The following HCN1 variants were observed in gnomAD, a reference collection of about 807,000 sequenced individuals.
HCN1 encodes hyperpolarization activated cyclic nucleotide gated potassium channel 1.
HCN1 carries 13 observed loss-of-function variants against 78.9 expected under a neutral mutation model. The ratio of observed to expected loss-of-function variants is 0.16; its 90% CI spans 0.11 to 0.26. The LOEUF is 0.26. Ranked by LOEUF, HCN1 falls within the 10% of genes least tolerant of loss-of-function variation. HCN1 has a pLI of 1.00. For missense variants in HCN1, 810 were observed against 1,154.3 expected (o/e 0.70, Z 4.32); for synonymous variants, 552 against 455.5 (o/e 1.21, Z -2.70).
chr5:45,289,795 T>C (rs140530833), intron 6 of HCN1, among the ~76,000 whole-genome samples: 1 of 152,186 alleles, frequency 6.6e-6, no homozygotes, highest in Non-Finnish European at 1.5e-5. Flanking sequence ...ACAACAGAAA[T>C]GTATTCTTAC....
chr5:45,401,259 T>C (rs1019288182), intron 3 of HCN1, among the ~76,000 whole-genome samples: 6 of 152,166 alleles, frequency 3.9e-5, no homozygotes, highest in African/African-American at 1.4e-4. Context: ...CCCATTGTTA[T>C]TTTTATTAGC....
At chr5:45,522,965 G>T (rs759031992) in intron 2 of HCN1, among the ~76,000 whole-genome samples, 4 of 151,586 alleles carry the variant, frequency 2.6e-5, no homozygotes, top group Non-Finnish European at 5.9e-5. Flanking sequence ...CCATCAACTC[G>T]TCATTTAGCA....
At chr5:45,276,505 A>G (rs1335755086) in intron 6 of HCN1, among the ~76,000 whole-genome samples, 2 of 152,118 alleles carry the variant, frequency 1.3e-5, no homozygotes, top group African/African-American at 4.8e-5. Context: ...ATAATTTAAA[A>G]AGAGTTCCTC....
intron 5 of HCN1, among the ~76,000 whole-genome samples, chr5:45,351,096 G>C (rs1464525291): frequency 6.6e-6 from 1 of 152,066 alleles, no homozygotes; most frequent in African/African-American, 2.4e-5. Flanking sequence ...GAACAAAGCT[G>C]GAGGCATCAC....
chr5:45,629,284 A>T lies in HCN1; in HGVS notation c.849+15901T>A, dbSNP rs1156280333. On this transcript the variant is annotated intron_variant, in intron 2 of 7. Transcript: ENST00000303230. ...TTTCTCAAGAACTGTGAGACCAAGC[A>T]GTCATAAAATCAGTAAGGATATGGA... Among the ~76,000 whole-genome samples, 3 of 152,160 alleles carry T rather than the reference A, an allele frequency of 2.0e-5. No homozygotes were observed. In the South Asian group the frequency reaches 6.2e-4, roughly 31 times the overall value.
At chr5:45,382,550 T>G (rs1579858932) in intron 4 of HCN1, among the ~76,000 whole-genome samples, 1 of 152,188 alleles carries the variant, frequency 6.6e-6, no homozygotes, top group Admixed American at 6.6e-5. Flanking sequence ...TTTTAAATTT[T>G]TGACTTACTT....
intron 3 of HCN1, among the ~76,000 whole-genome samples, chr5:45,426,799 A>C (rs1740358560): frequency 6.6e-6 from 1 of 152,154 alleles, no homozygotes; most frequent in Non-Finnish European, 1.5e-5. Flanking sequence ...AACTGTACTA[A>C]AAATAAAAAA....
At chr5:45,291,117 T>C (rs531446945) in intron 6 of HCN1, among the ~76,000 whole-genome samples, 1 of 152,144 alleles carries the variant, frequency 6.6e-6, no homozygotes, top group African/African-American at 2.4e-5. Context: ...TAGACTTTGT[T>C]ATCACCAATA....
intron 2 of HCN1, among the ~76,000 whole-genome samples, chr5:45,584,899 G>C (rs1744175173): frequency 1.3e-5 from 2 of 152,200 alleles, no homozygotes; most frequent in Non-Finnish European, 2.9e-5. Context: ...CAAGAGATCA[G>C]CTGTTAGTCT....
chr5:45,552,782 G>A (rs1181429053), intron 2 of HCN1, among the ~76,000 whole-genome samples: 2 of 151,794 alleles, frequency 1.3e-5, no homozygotes, highest in Non-Finnish European at 2.9e-5. Flanking sequence ...ATTAAAATTC[G>A]TAACTAAGAG....
intron 2 of HCN1, among the ~76,000 whole-genome samples, chr5:45,622,967 T>A (rs1745098530): frequency 6.6e-6 from 1 of 152,084 alleles, no homozygotes; most frequent in South Asian, 2.1e-4. Flanking sequence ...GGAACTAGTG[T>A]CTTGTCCTTT....
At chr5:45,656,187 T>G (rs1745761736) in intron 1 of HCN1, among the ~76,000 whole-genome samples, 1 of 152,136 alleles carries the variant, frequency 6.6e-6, no homozygotes. Context: ...TTTAAGTAAG[T>G]TCTGGTATTA....
chr5:45,361,142 T>C (rs187454048), intron 4 of HCN1, among the ~76,000 whole-genome samples: 2 of 151,936 alleles, frequency 1.3e-5, no homozygotes, highest in East Asian at 1.9e-4. Flanking sequence ...CCTCCAGGGT[T>C]CTAGCGATTC....
intron 2 of HCN1, among the ~76,000 whole-genome samples, chr5:45,586,515 C>A (rs1007780273): frequency 6.6e-6 from 1 of 152,118 alleles, no homozygotes; most frequent in African/African-American, 2.4e-5. Context: ...ACACTCGGTG[C>A]ACTGCACCCA....
intron 2 of HCN1, among the ~76,000 whole-genome samples, chr5:45,509,371 T>C (rs1742364849): frequency 1.3e-5 from 2 of 152,070 alleles, no homozygotes; most frequent in South Asian, 4.1e-4. Context: ...TAACTATATA[T>C]GCTCACAGGC....
rs537258913 is a variant in HCN1, at chr5:45,266,040, G to C, written c.1783+1049C>G. On this transcript the variant is annotated intron_variant, in intron 7 of 7. Transcript: ENST00000303230. The stretch of plus-strand genomic sequence containing the variant: ...CCAAAAAAAAGTAGAGAAGGGGAGG[G>C]TGGCAAAGAGGGTTTAGGTGTGGAA... Among the ~76,000 whole-genome samples the C allele has an allele frequency of 2.0e-5, 3 of 152,028 alleles. No homozygotes were observed. In the South Asian group the frequency reaches 6.2e-4, roughly 32 times the overall value.
intron 3 of HCN1, among the ~76,000 whole-genome samples, chr5:45,422,057 G>A (rs549614116): frequency 6.6e-6 from 1 of 152,296 alleles, no homozygotes; most frequent in Admixed American, 6.5e-5. Flanking sequence ...TATCTTCCCT[G>A]AAATATATAT....
intron 3 of HCN1, among the ~76,000 whole-genome samples, chr5:45,409,008 T>C (rs576221941): frequency 4.9e-4 from 74 of 152,264 alleles, no homozygotes; most frequent in African/African-American, 1.7e-3. Context: ...TGCAGTTTTG[T>C]ATATGGAATT....
intron 3 of HCN1, among the ~76,000 whole-genome samples, chr5:45,397,082 C>A (rs1739701450): frequency 6.6e-6 from 1 of 152,054 alleles, no homozygotes; most frequent in African/African-American, 2.4e-5. Context: ...CTATGAAATG[C>A]AGCAGACAGT....
Sources: allele counts gnomAD v4.1 joint callset (sites outside exome capture counted in the v4.1 genomes callset), GRCh38; gene constraint gnomAD v4.1.1; transcripts MANE v1.5; gene names NCBI Gene and HGNC (gene_info 2026-07-23, HGNC 2026-07-21).